Variants in OR1F1 observed in about 807,000 individuals in gnomAD.
The protein encoded by OR1F1 is olfactory receptor family 1 subfamily F member 1.
For missense variants in OR1F1, 493 were observed against 376.3 expected, an observed-to-expected ratio of 1.31 and a Z score of -2.57; for synonymous variants, 184 against 156.7, an observed-to-expected ratio of 1.17 and a Z score of -1.30.
the OR1F1 span, chr16:3,189,631 T>G: frequency 1.3e-5 from 2 of 152,014 alleles, no homozygotes; most frequent in Non-Finnish European, 2.9e-5. Context: ...GCGTAAATCG[T>G]GTGGCTCGTT....
At chr16:3,190,253 C>T in the OR1F1 span, among the ~76,000 whole-genome samples, 1 of 152,140 alleles carries the variant, frequency 6.6e-6, no homozygotes, top group African/African-American at 2.4e-5. Context: ...CTCTGCTCCC[C>T]TGTCCTGGTT....
exon 1 of OR1F1, chr16:3,204,530 G>A (rs1463886542): frequency 2.5e-6 from 4 of 1,614,144 alleles, no homozygotes; most frequent in Non-Finnish European, 3.4e-6. Context: ...ATCTCCTTCT[G>A]TGGCTGTCTC....
At chr16:3,189,705 C>T in the OR1F1 span, 2 of 151,766 alleles carry the variant, frequency 1.3e-5, no homozygotes, top group Non-Finnish European at 2.9e-5. Context: ...CGGACGAGCC[C>T]GGCTTTTGGT....
chr16:3,204,688 T>A, exon 1 of OR1F1: 1 of 1,614,116 alleles, frequency 6.2e-7, no homozygotes, highest in Non-Finnish European at 8.5e-7. Context: ...GGTTGCTGGA[T>A]TATGGGTGGT....
the OR1F1 span, among the ~76,000 whole-genome samples, chr16:3,190,578 C>T: frequency 6.6e-6 from 1 of 152,068 alleles, no homozygotes; most frequent in Non-Finnish European, 1.5e-5. Context: ...TGGTAAAACC[C>T]TGTCTCTACT....
chr16:3,196,054 G>A, the OR1F1 span, among the ~76,000 whole-genome samples: 1 of 152,242 alleles, frequency 6.6e-6, no homozygotes, highest in Non-Finnish European at 1.5e-5. Flanking sequence ...CCTGGGAAGG[G>A]CAGGACCCAG....
chr16:3,194,635 G>A, the OR1F1 span, among the ~76,000 whole-genome samples: 2 of 152,164 alleles, frequency 1.3e-5, no homozygotes, highest in African/African-American at 4.8e-5. Context: ...TCGGGCCAGA[G>A]GAGAGGAGGG....
chr16:3,203,515 C>T (rs1958161446), upstream of OR1F1, among the ~76,000 whole-genome samples: 2 of 152,236 alleles, frequency 1.3e-5, no homozygotes, highest in African/African-American at 2.4e-5. Context: ...CCTGTAATCC[C>T]AGCACCTTGG....
the OR1F1 span, among the ~76,000 whole-genome samples, chr16:3,198,159 GAGAGAGAGAGAC>G: frequency 6.6e-6 from 1 of 151,044 alleles, no homozygotes; most frequent in Non-Finnish European, 1.5e-5. Flanking sequence ...GAGAGAGAGG[GAGAGAGAGAGAC>G]AGAGAGAGAG....
chr16:3,205,187 G>A (rs920816201), exon 1 of OR1F1: 2 of 1,598,184 alleles, frequency 1.3e-6, no homozygotes, highest in African/African-American at 1.3e-5. Flanking sequence ...TCTGTCTGAT[G>A]AAATAATCAA....
the OR1F1 span, among the ~76,000 whole-genome samples, chr16:3,193,868 G>A: frequency 1.3e-5 from 2 of 152,098 alleles, no homozygotes; most frequent in African/African-American, 4.8e-5. Context: ...CTAGCCACCC[G>A]CGATAAGTTA....
chr16:3,206,373 T>C (rs896203798), downstream of OR1F1, among the ~76,000 whole-genome samples: 3 of 152,218 alleles, frequency 2.0e-5, no homozygotes, highest in Admixed American at 6.5e-5. Context: ...GTGATCTCTA[T>C]TGGCTTCAGA....
the OR1F1 span, among the ~76,000 whole-genome samples, chr16:3,193,302 C>G: frequency 6.6e-6 from 1 of 152,240 alleles, no homozygotes; most frequent in East Asian, 1.9e-4. Context: ...TGTCAAGGGC[C>G]TCGCGTCAAG....
At chr16:3,196,194 C>T in the OR1F1 span, among the ~76,000 whole-genome samples, 1 of 152,200 alleles carries the variant, frequency 6.6e-6, no homozygotes, top group Non-Finnish European at 1.5e-5. Context: ...CTCTTAATCT[C>T]AGGGTCGTGG....
chr16:3,203,824 A>G (rs549352073), upstream of OR1F1, among the ~76,000 whole-genome samples: 63 of 152,316 alleles, frequency 4.1e-4, 1 homozygote, highest in African/African-American at 1.5e-3. Flanking sequence ...GTCAGGACTT[A>G]AAGCCTCAGA....
At chr16:3,193,973 C>A in the OR1F1 span, among the ~76,000 whole-genome samples, 1 of 152,106 alleles carries the variant, frequency 6.6e-6, no homozygotes, top group South Asian at 2.1e-4. Flanking sequence ...ATTGTGGGTT[C>A]GAGTTCCACC....
In OR1F1 at chr16:3,205,037, C is replaced by A. The variant is rs149164669; in HGVS notation, c.791C>A (p.Ser264Tyr). 1.1e-4 allele frequency: 172 copies of A among 1,614,132 alleles called. 1 individual carries two copies. In the African/African-American group the frequency reaches 2.1e-3, roughly 19 times the overall value. Reference sequence around the variant, plus strand: ...ATTGCTGTGTATTTTAACCCTCTGTCCTCCCACTCAGCTGAGAAAGACACT... The same window carrying A: ...ATTGCTGTGTATTTTAACCCTCTGTACTCCCACTCAGCTGAGAAAGACACT... Residue 264 changes from serine (S) to tyrosine (Y), a missense_variant, in exon 1 of 1, where the codon TCC becomes TAC. Transcript: ENST00000304646.
At chr16:3,204,892 GCTT>G (rs1186477165) in exon 1 of OR1F1, 2 of 1,613,988 alleles carry the variant, frequency 1.2e-6, no homozygotes, top group Admixed American at 3.3e-5. Flanking sequence ...TTGCATCCTG[GCTT>G]CTTATATGCA....
chr16:3,202,982 C>T (rs185871861), upstream of OR1F1, among the ~76,000 whole-genome samples: 84 of 152,222 alleles, frequency 5.5e-4, 1 homozygote, highest in African/African-American at 2.0e-3. Context: ...CCCAGTACAG[C>T]TTCACAGGTA....
Sources: allele counts gnomAD v4.1 joint callset (sites outside exome capture counted in the v4.1 genomes callset), GRCh38; gene constraint gnomAD v4.1.1; transcripts MANE v1.5; gene names NCBI Gene and HGNC (gene_info 2026-07-23, HGNC 2026-07-21).